The following NPTXR variants were observed in gnomAD, a reference collection of about 807,000 sequenced individuals.
NPTXR encodes the protein neuronal pentraxin receptor.
A neutral mutation model predicts 32.2 loss-of-function variants in NPTXR; 12 were observed. The ratio of observed to expected loss-of-function variants is 0.37; its 90% confidence interval spans 0.24 to 0.60. The LOEUF (loss-of-function observed/expected upper bound fraction) is 0.60. Among genes scored for constraint, NPTXR ranks in the 20% least tolerant of loss-of-function variants. NPTXR has a pLI of 0.66. For missense variants in NPTXR, 612 were observed against 682.9 expected (o/e 0.90, Z 1.16); for synonymous variants, 323 against 315.8 (o/e 1.02, Z -0.24).
intron 1 of NPTXR, among the ~76,000 whole-genome samples, chr22:38,838,684 T>C (rs1027036587): frequency 6.0e-5 from 9 of 149,706 alleles, no homozygotes; most frequent in Non-Finnish European, 1.2e-4. Context: ...CGGGTTCACG[T>C]CATTCTCCTG....
Position 38,822,723 on chromosome 22 carries a change from G to C in NPTXR, c.1389C>G (p.Asn463Lys), listed in dbSNP as rs1201618291. The change falls in exon 5 of 5, where the codon AAC (asparagine) becomes AAG (lysine). Residue 463 changes from asparagine to lysine, a missense_variant. Asn to Lys is a moderately conservative substitution (Grantham distance 94). Transcript: ENST00000333039. ...CGTTGCCCAGCAGTGGCGCAGTGCA[G>C]TTGGCAATGCCCAGGACCTGGGCTG... is the stretch of plus-strand genomic sequence containing the variant. The C allele has an allele frequency of 6.2e-7, 1 of 1,614,180 alleles. No homozygotes were observed. Among genetic ancestry groups the C allele is most frequent in the Non-Finnish European group, 8.5e-7 (1 of 1,180,004 alleles).
At chr22:38,826,465 T>C (rs1603245005) in intron 3 of NPTXR, 35 bp downstream of exon 3, 1 of 1,571,750 alleles carries the variant, frequency 6.4e-7, no homozygotes, top group African/African-American at 1.3e-5. Context: ...AGGGTGGCCC[T>C]CCCCCAGCCA....
intron 1 of NPTXR, among the ~76,000 whole-genome samples, chr22:38,838,482 T>C (rs2093127391): frequency 6.6e-6 from 1 of 151,848 alleles, no homozygotes; most frequent in African/African-American, 2.4e-5. Context: ...AGGACAAGCC[T>C]TGAGGACTGG....
At position 38,836,480 on chromosome 22, in the gene NPTXR, T is replaced by C. The variant is rs559666397; in HGVS notation, c.624+6755A>G. On this transcript the variant is annotated intron_variant, in intron 1 of 4. Transcript: ENST00000333039. ...AAGCCTGGATGCCACAGACGTGACA[T>C]TGAATGAAAGATCACCAGACGCAAG... 1.3e-4 allele frequency among the ~76,000 whole-genome samples: 20 copies of C among 152,346 alleles called. No individual in the cohort carries two copies. The East Asian group carries it at 3.1e-3, about 24-fold the overall frequency.
intron 1 of NPTXR, among the ~76,000 whole-genome samples, chr22:38,840,283 G>A (rs897406216): frequency 6.6e-6 from 1 of 152,106 alleles, no homozygotes; most frequent in Non-Finnish European, 1.5e-5. Flanking sequence ...GGTGTACTTG[G>A]AGCAGACTCT....
At position 38,843,567 on chromosome 22, in the gene NPTXR, G is replaced by A; in HGVS notation, c.292C>T (p.Pro98Ser). ...CCCGACGGGCAGGCAGCAGCCAGCGGCGTGCACAGGAAGCGGCTGAACAGG... is the reference window on the plus strand; with the variant it reads ...CCCGACGGGCAGGCAGCAGCCAGCGACGTGCACAGGAAGCGGCTGAACAGG... Residue 98 changes from proline to serine, a missense_variant, in exon 1 of 5, where the codon CCG (proline) becomes TCG (serine). Pro to Ser is a moderately conservative substitution (Grantham distance 74, BLOSUM62 -1). Coordinates refer to ENST00000333039, the MANE Select transcript of NPTXR (RefSeq NM_014293.4). This position sits in a 1 kb window ranked among gnomAD's most constrained non-coding sequence, Gnocchi z 5.3. 1 of 1,228,654 alleles carries A rather than the reference G, an allele frequency of 8.1e-7. No individual in the cohort carries two copies. The highest frequency in any genetic ancestry group is 1.0e-6 in the Non-Finnish European group (1 of 986,338). 76.1% of individuals were successfully genotyped at this position (1,228,654 alleles called of 1,614,324 possible).
intron 1 of NPTXR, among the ~76,000 whole-genome samples, chr22:38,829,108 A>T (rs2093112171): frequency 6.6e-6 from 1 of 152,228 alleles, no homozygotes; most frequent in African/African-American, 2.4e-5. Flanking sequence ...CCAGCTCGGT[A>T]ACCAATCTGC....
chr22:38,835,084 T>C (rs2093121980), intron 1 of NPTXR, among the ~76,000 whole-genome samples: 1 of 152,146 alleles, frequency 6.6e-6, no homozygotes, highest in Admixed American at 6.5e-5. Flanking sequence ...GGGATTCAAT[T>C]GTAAGGCCCT....
rs2093135288 is a variant in NPTXR, at chr22:38,843,608, G to C, written c.251C>G (p.Pro84Arg). The C allele has an allele frequency of 1.7e-6, 2 of 1,174,360 alleles. No individual in the cohort carries two copies. Among genetic ancestry groups the C allele is most frequent in the Non-Finnish European group, 2.1e-6 (2 of 952,198 alleles). The allele number at this position is 1,174,360 out of a possible 1,614,324, so 72.7% of individuals were successfully genotyped here. ...GCTGAACAGGGGCCCGGGCGGCAGCGGGTGCGCGCTGGCCGCGGGTGCCCC... is the reference window on the plus strand; with the variant it reads ...GCTGAACAGGGGCCCGGGCGGCAGCCGGTGCGCGCTGGCCGCGGGTGCCCC... Residue 84 changes from proline to arginine, a missense_variant, in exon 1 of 5, where the codon CCG (proline) becomes CGG (arginine). Coordinates refer to ENST00000333039, the MANE Select transcript of NPTXR (RefSeq NM_014293.4). The surrounding 1 kb of genome is among the most constrained non-coding windows in gnomAD (Gnocchi z 5.3).
intron 1 of NPTXR, among the ~76,000 whole-genome samples, chr22:38,835,300 A>G (rs940641767): frequency 1.3e-5 from 2 of 152,146 alleles, no homozygotes; most frequent in East Asian, 1.9e-4. Context: ...TGGGGTCAGG[A>G]AGCCTTCTCA....
Sources: allele counts gnomAD v4.1 joint callset (sites outside exome capture counted in the v4.1 genomes callset), GRCh38; gene constraint gnomAD v4.1.1; non-coding constraint Gnocchi (gnomAD v3.1); transcripts MANE v1.5; gene names NCBI Gene and HGNC (gene_info 2026-07-23, HGNC 2026-07-21).